TECPR2: variants seen among roughly 807,000 people sequenced by gnomAD.
The protein encoded by TECPR2 is tectonin beta-propeller repeat containing 2, also known as tectonin beta-propeller repeat-containing protein 2.
In TECPR2, 65 loss-of-function variants were observed where a neutral mutation model predicts 138.1. That is an observed-to-expected ratio of 0.47 (90% CI 0.39 to 0.58). The LOEUF is 0.58. TECPR2 is among the 20% of genes least tolerant of loss of function. TECPR2 has a pLI of 0.00. For missense variants in TECPR2, 1,553 were observed against 1,824.5 expected, an observed-to-expected ratio of 0.85 and a Z score of 2.71; for synonymous variants, 746 against 749.8, an observed-to-expected ratio of 0.99 and a Z score of 0.08.
chr14:102,389,967 T>G (rs1314688067), intron 2 of TECPR2, among the ~76,000 whole-genome samples: 1 of 152,234 alleles, frequency 6.6e-6, no homozygotes, highest in African/African-American at 2.4e-5. Flanking sequence ...TCTTTGTTAG[T>G]AAAAGGAGGA....
chr14:102,465,650 A>G, intron 17 of TECPR2: 1 of 989,464 alleles, frequency 1.0e-6, no homozygotes, highest in African/African-American at 1.7e-5. Context: ...AGAAGTATAA[A>G]GAAGGTAAAA....
chr14:102,474,085 C>T (rs572378261), intron 17 of TECPR2, among the ~76,000 whole-genome samples: 6 of 152,032 alleles, frequency 3.9e-5, no homozygotes, highest in African/African-American at 9.6e-5. Flanking sequence ...TAGTGAGACC[C>T]CGTCTCTACA....
intron 2 of TECPR2, among the ~76,000 whole-genome samples, chr14:102,396,474 GTTTT>G (rs1160626838): frequency 6.6e-6 from 1 of 152,118 alleles, no homozygotes; most frequent in Non-Finnish European, 1.5e-5. Flanking sequence ...ATGAGGTGGG[GTTTT>G]TTTGTTTTTG....
chr14:102,431,210 AAAATAAAT>A (rs35012872), intron 7 of TECPR2, among the ~76,000 whole-genome samples: 1 of 150,834 alleles, frequency 6.6e-6, no homozygotes, highest in Non-Finnish European at 1.5e-5. Context: ...CTCCGTCTCA[AAAATAAAT>A]AAATAAATAA....
At chr14:102,498,051 A>AAGCTCCCAGCTCCATCTGTGCCCC in intron 19 of TECPR2, 52 bp from the exon 20 acceptor site, 2 of 1,585,276 alleles carry the variant, frequency 1.3e-6, no homozygotes, top group Non-Finnish European at 1.7e-6. Flanking sequence ...ATCTGTGCCC[A>AAGCTCCCAGCTCCATCTGTGCCCC]CCCCACAGGC....
In TECPR2 at chr14:102,499,335, C is replaced by A. The variant is rs1300424003; in HGVS notation, c.*1078C>A. ...AATTATTGCCTTTGTTGTTGTATTA[C>A]AAATCTGCATAAAATACCTCATTTC... On this transcript the variant is annotated 3_prime_UTR_variant, in exon 20 of 20. Transcript: ENST00000359520. The A allele has an allele frequency of 1.7e-6, 1 of 603,684 alleles. No homozygotes were observed. Among genetic ancestry groups the A allele is most frequent in the Non-Finnish European group, 3.0e-6 (1 of 335,826 alleles). 37.4% of individuals were successfully genotyped at this position (603,684 alleles called of 1,614,324 possible).
intron 1 of TECPR2, among the ~76,000 whole-genome samples, chr14:102,372,830 GA>G (rs1887540637): frequency 1.3e-5 from 2 of 152,124 alleles, no homozygotes; most frequent in Admixed American, 1.3e-4. Flanking sequence ...TGAGGCACAA[GA>G]ATCACTTGAA....
intron 2 of TECPR2, among the ~76,000 whole-genome samples, chr14:102,391,201 G>C (rs1216982303): frequency 1.3e-5 from 2 of 152,150 alleles, no homozygotes; most frequent in Non-Finnish European, 2.9e-5. Flanking sequence ...GGGATTACAG[G>C]TGTGCACCAC....
At chr14:102,452,819 T>G (rs1890181318) in intron 16 of TECPR2, among the ~76,000 whole-genome samples, 192 bp downstream of exon 16, 1 of 152,214 alleles carries the variant, frequency 6.6e-6, no homozygotes, top group African/African-American at 2.4e-5. Context: ...GTTTTGTCCC[T>G]TCCCCTGCCC....
intron 15 of TECPR2, 146 bp downstream of exon 15, chr14:102,450,795 T>G (rs1184591748): frequency 3.9e-6 from 3 of 771,980 alleles, no homozygotes; most frequent in Non-Finnish European, 6.4e-6. Flanking sequence ...CAGTAGCCCT[T>G]GTTAGCTGAG....
chr14:102,403,561 A>G (rs1016262625), intron 2 of TECPR2, among the ~76,000 whole-genome samples: 5 of 152,218 alleles, frequency 3.3e-5, no homozygotes, highest in Non-Finnish European at 7.3e-5. Context: ...AGAGGCATCA[A>G]AATTGGGAAG....
At chr14:102,435,877 AT>A (rs1889657544) in intron 9 of TECPR2, among the ~76,000 whole-genome samples, 1 of 152,208 alleles carries the variant, frequency 6.6e-6, no homozygotes, top group Non-Finnish European at 1.5e-5. Flanking sequence ...GCAAGTAATT[AT>A]TACTAGATAT....
chr14:102,392,192 G>T (rs1436949800), intron 2 of TECPR2, among the ~76,000 whole-genome samples: 2 of 151,862 alleles, frequency 1.3e-5, no homozygotes, highest in Non-Finnish European at 2.9e-5. Flanking sequence ...GGGTTTCACT[G>T]TGTTGGCCAG....
intron 17 of TECPR2, among the ~76,000 whole-genome samples, chr14:102,496,187 C>T (rs1226122552): frequency 6.6e-6 from 1 of 152,224 alleles, no homozygotes; most frequent in African/African-American, 2.4e-5. Context: ...CTGTGGGTTC[C>T]AGAAAAGCAG....
At chr14:102,438,528 G>A (rs1363736496) in intron 10 of TECPR2, 4 of 265,946 alleles carry the variant, frequency 1.5e-5, no homozygotes, top group African/African-American at 9.0e-5. Flanking sequence ...CTTTTTTAGG[G>A]ATATTAATAT....
chr14:102,396,861 T>C (rs1416922457), intron 2 of TECPR2, among the ~76,000 whole-genome samples: 1 of 152,216 alleles, frequency 6.6e-6, no homozygotes, highest in Non-Finnish European at 1.5e-5. Context: ...CTCTGACTGC[T>C]GATTGCTGCT....
Position 102,399,340 on chromosome 14 carries a change from A to G in TECPR2, c.220-7998A>G, listed in dbSNP as rs537930748. Reference sequence around the variant, plus strand: ...TGATATATTCAGAGTGTTAAAAAGAAAGAAGACCTGTCAACTAACCATCTA... The same window carrying G: ...TGATATATTCAGAGTGTTAAAAAGAGAGAAGACCTGTCAACTAACCATCTA... On this transcript the variant is annotated intron_variant, in intron 2 of 19. Transcript: ENST00000359520. Among the ~76,000 whole-genome samples, 206 of 152,300 alleles carry G rather than the reference A, an allele frequency of 1.4e-3. 1 individual carries two copies. The highest frequency in any genetic ancestry group is 4.6e-3 in the South Asian group (22 of 4,822).
intron 2 of TECPR2, among the ~76,000 whole-genome samples, chr14:102,402,307 A>G (rs1595103787): frequency 6.6e-6 from 1 of 152,350 alleles, no homozygotes; most frequent in East Asian, 1.9e-4. Flanking sequence ...CAAAGGGTAA[A>G]TAAAGAAATT....
At chr14:102,467,474 ACCACCATGCC>A (rs1890570773) in intron 17 of TECPR2, among the ~76,000 whole-genome samples, 1 of 151,836 alleles carries the variant, frequency 6.6e-6, no homozygotes. Context: ...ACAGGCATGC[ACCACCATGCC>A]CAGGTGATTT....
Sources: allele counts gnomAD v4.1 joint callset (sites outside exome capture counted in the v4.1 genomes callset), GRCh38; gene constraint gnomAD v4.1.1; transcripts MANE v1.5; gene names NCBI Gene and HGNC (gene_info 2026-07-23, HGNC 2026-07-21).